The following EXOSC8 variants were observed in gnomAD, a reference collection of about 807,000 sequenced individuals.
EXOSC8 encodes the protein exosome complex component RRP43.
Under a neutral mutation model 39.9 loss-of-function variants are expected in EXOSC8, and 37 were observed. That is an observed-to-expected ratio of 0.93 (90% CI 0.71 to 1.22). EXOSC8 has a LOEUF of 1.22. Ranked by LOEUF, EXOSC8 falls within the 50% of genes most tolerant of loss-of-function variation. The pLI, the probability that EXOSC8 is intolerant of heterozygous loss-of-function variation, is 0.00. For synonymous variants in EXOSC8, 93 were observed against 109.5 expected (o/e 0.85, Z 0.94); for missense variants, 313 against 326.6 (o/e 0.96, Z 0.32).
chr13:37,000,949 G>A, intron 1 of EXOSC8, 127 bp downstream of exon 1: 3 of 1,182,422 alleles, frequency 2.5e-6, no homozygotes, highest in Non-Finnish European at 3.5e-6. Context: ...CCTCGTCGAG[G>A]CAGACGATGG....
chr13:37,009,036 A>C, intron 10 of EXOSC8, 148 bp from the exon 11 acceptor site: 1 of 689,714 alleles, frequency 1.4e-6, no homozygotes. Context: ...AATCACTTGG[A>C]GGTCTTGTGA....
intron 1 of EXOSC8, chr13:37,001,698 G>A (rs925735461): frequency 1.3e-5 from 2 of 152,234 alleles, no homozygotes; most frequent in Non-Finnish European, 2.9e-5. Context: ...GAGACTAGTA[G>A]TAACTCCTGG....
chr13:37,004,261 G>A (rs2059124420), intron 4 of EXOSC8: 2 of 343,718 alleles, frequency 5.8e-6, no homozygotes, highest in Non-Finnish European at 1.0e-5. Context: ...TAGTAGTTGG[G>A]GGCACAAACC....
intron 4 of EXOSC8, 110 bp from the exon 5 acceptor site, chr13:37,004,406 A>C (rs999075476): frequency 2.7e-6 from 2 of 737,224 alleles, no homozygotes; most frequent in Non-Finnish European, 4.7e-6. Context: ...AGGCCCTGAC[A>C]CAATTCCCTA....
In EXOSC8 at chr13:37,009,549, T is replaced by C; in HGVS notation, c.*250T>C. On this transcript the variant is annotated 3_prime_UTR_variant, in exon 11 of 11. Transcript: ENST00000389704. ...AAAATGATAAGGTTGTGCTTCTGTATAAAGTTTGTACATCTAGCAATGTAA... is the reference window on the plus strand; with the variant it reads ...AAAATGATAAGGTTGTGCTTCTGTACAAAGTTTGTACATCTAGCAATGTAA... The C allele has an allele frequency of 2.5e-6, 3 of 1,181,208 alleles. No individual in the cohort carries two copies. The highest frequency in any genetic ancestry group is 1.2e-6 in the Non-Finnish European group (1 of 801,604). The allele number at this position is 1,181,208 out of a possible 1,614,324, so 73.2% of individuals were successfully genotyped here. A position where few individuals can be genotyped will look rare whatever the true frequency, so the allele number is the denominator to read the frequency against.
intron 1 of EXOSC8, among the ~76,000 whole-genome samples, chr13:37,001,086 G>C (rs1289738338): frequency 6.6e-6 from 1 of 152,172 alleles, no homozygotes; most frequent in East Asian, 1.9e-4. Flanking sequence ...TGTAGTGAAC[G>C]TGCAGTCCCA....
rs150115898 is a variant in EXOSC8 at position 37,000,814 on chromosome 13, T to G, written c.9T>G (p.Ala3=). The change falls in exon 1 of 11, where the codon GCT becomes GCG. Residue 3 remains alanine (A), a synonymous_variant. Coordinates refer to ENST00000389704, the MANE Select transcript of EXOSC8 (RefSeq NM_181503.3). ...GACGCGCGGGCGGGAAGATGGCGGC[T>G]GGGTTCAAGTGAGTGTTGGCGGGTG... The part of the protein sequence containing the change: MA[A]GFKTVEPLEY... 19 of 1,580,318 alleles carry G rather than the reference T, an allele frequency of 1.2e-5. No homozygotes were observed. Among genetic ancestry groups the G allele is most frequent in the South Asian group, 3.5e-5 (3 of 86,856 alleles).
At chr13:37,002,460 C>G in intron 2 of EXOSC8, 28 bp from the exon 3 acceptor site, 1 of 1,447,218 alleles carries the variant, frequency 6.9e-7, no homozygotes, top group Non-Finnish European at 9.5e-7. Context: ...TAGGTATAAT[C>G]TATTTTTATA....
chr13:37,004,541 C>A lies in EXOSC8; in HGVS notation c.218C>A (p.Ala73Asp), dbSNP rs1214258519. Residue 73 changes from alanine to aspartate, a missense_variant, in exon 5 of 11, where the codon GCC becomes GAC. Ala to Asp is a moderately radical substitution (Grantham distance 126). Coordinates refer to ENST00000389704, the MANE Select transcript of EXOSC8 (RefSeq NM_181503.3). ...GAATTTGCAGCACCATCAACAGATGCCCCTGATAAAGGATACGTTGGTAAG... is the reference window on the plus strand; with the variant it reads ...GAATTTGCAGCACCATCAACAGATGACCCTGATAAAGGATACGTTGGTAAG... ...KAEFAAPSTDAPDKGYVVPNV... is the reference protein window; with the variant it reads ...KAEFAAPSTDDPDKGYVVPNV... 1 of 1,606,750 alleles carries A rather than the reference C, an allele frequency of 6.2e-7. No individual in the cohort carries two copies. The highest frequency in any genetic ancestry group is 1.1e-5 in the South Asian group (1 of 90,446).
intron 1 of EXOSC8, among the ~76,000 whole-genome samples, chr13:37,001,053 T>C (rs573973139): frequency 1.1e-3 from 167 of 152,274 alleles, no homozygotes; most frequent in African/African-American, 3.8e-3. Flanking sequence ...CCATACCCGC[T>C]GCGAGCGCTC....
chr13:37,007,189 A>T lies in EXOSC8; in HGVS notation c.487+118A>T, dbSNP rs1165744751. On this transcript the variant is annotated intron_variant, in intron 8 of 10. Transcript: ENST00000389704. ...CCAAATTAATGAATGTAATGCTGAC[A>T]TGACTTTCCAAATATAGTTGATAGT... 19 of 710,318 alleles carry T rather than the reference A, an allele frequency of 2.7e-5. No homozygotes were observed. In the East Asian group the frequency reaches 5.1e-4, roughly 19 times the overall value. 44.0% of individuals were successfully genotyped at this position (710,318 alleles called of 1,614,324 possible).
At chr13:37,000,866 A>G (rs1036545879) in intron 1 of EXOSC8, 44 bp downstream of exon 1, 5 of 1,471,006 alleles carry the variant, frequency 3.4e-6, no homozygotes, top group Admixed American at 2.4e-5. Context: ...ACCCTGGCGG[A>G]CGGCAGCTTC....
intron 3 of EXOSC8, 107 bp downstream of exon 3, chr13:37,002,658 T>G: frequency 1.2e-6 from 1 of 820,916 alleles, no homozygotes; most frequent in Admixed American, 2.6e-5. Context: ...GATTTGATGA[T>G]TTTTTTTGTC....
chr13:37,009,091 C>CA (rs2084624519), intron 10 of EXOSC8, 93 bp from the exon 11 acceptor site: 3 of 837,320 alleles, frequency 3.6e-6, no homozygotes, highest in Non-Finnish European at 5.8e-6. Flanking sequence ...TTACATTATC[C>CA]AATTTTTTTG....
chr13:37,003,489 T>A (rs2059119386), intron 4 of EXOSC8: 1 of 154,304 alleles, frequency 6.5e-6, no homozygotes, highest in Non-Finnish European at 1.4e-5. Flanking sequence ...ACCTCCTGTT[T>A]TACAGATGAC....
At chr13:37,006,928 A>C in intron 7 of EXOSC8, 47 bp from the exon 8 acceptor site, 1 of 1,138,126 alleles carries the variant, frequency 8.8e-7, no homozygotes, top group Non-Finnish European at 1.3e-6. Flanking sequence ...AGCATGTTCT[A>C]CCCATTAGAA....
rs1390129207 is a variant in EXOSC8, at chr13:37,006,113, A to G, written c.345-2A>G. ...TACTTTGCTCTTTGTCATTAAATCAAGTTCACAGATAATTCAGAAAGAGGA... is the reference window on the plus strand; with the variant it reads ...TACTTTGCTCTTTGTCATTAAATCAGGTTCACAGATAATTCAGAAAGAGGA... On this transcript the variant is annotated splice_acceptor_variant, in intron 6 of 10. Transcript: ENST00000389704. LOFTEE classifies it high-confidence loss of function. The G allele has an allele frequency of 6.2e-7, 1 of 1,609,762 alleles. No homozygotes were observed. The highest frequency in any genetic ancestry group is 1.7e-5 in the Admixed American group (1 of 59,946).
At chr13:37,002,222 A>G (rs1489223966) in intron 1 of EXOSC8, 51 bp from the exon 2 acceptor site, 2 of 1,395,586 alleles carry the variant, frequency 1.4e-6, no homozygotes, top group Admixed American at 3.4e-5. Context: ...TTCTGGATTT[A>G]TGTTAAGATT....
Position 37,005,935 on chromosome 13 carries a change from T to C in EXOSC8, c.254T>C (p.Leu85Pro). The stretch of plus-strand genomic sequence containing the variant: ...TTTCTTTCAGTTCCTAATGTGGATC[T>C]ACCACCCCTGTGTTCATCGAGATTC... Reference protein sequence around the residue: ...DKGYVVPNVDLPPLCSSRFRS... With the variant: ...DKGYVVPNVDPPPLCSSRFRS... The change falls in exon 6 of 11, where the codon CTA (leucine) becomes CCA (proline). Residue 85 changes from leucine to proline, a missense_variant. Coordinates refer to ENST00000389704, the MANE Select transcript of EXOSC8 (RefSeq NM_181503.3). 3 of 1,564,460 alleles carry C rather than the reference T, an allele frequency of 1.9e-6. No homozygotes were observed. The highest frequency in any genetic ancestry group is 2.6e-6 in the Non-Finnish European group (3 of 1,138,996).
Sources: gnomAD v4.1 joint callset for allele counts (sites outside exome capture counted in the v4.1 genomes callset) on GRCh38, gnomAD v4.1.1 for gene constraint, MANE v1.5 for transcripts, NCBI Gene and HGNC (gene_info 2026-07-23, HGNC 2026-07-21) for gene names.